Variants in ZNF669 observed in about 807,000 individuals in gnomAD.
ZNF669 encodes the protein zinc finger protein 669.
In ZNF669, 7 loss-of-function variants were observed where a neutral mutation model predicts 11.4. That is an observed-to-expected ratio of 0.62 (90% confidence interval 0.35 to 1.16). ZNF669 has a LOEUF of 1.16. Among genes scored for constraint, ZNF669 ranks in the 50% most tolerant of loss-of-function variants. The pLI is 0.02. For synonymous variants in ZNF669, 153 were observed against 155.8 expected (o/e 0.98, Z 0.13); for missense variants, 492 against 463.6 (o/e 1.06, Z -0.56).
chr1:247,102,135 G>A (rs1238862017), intron 1 of ZNF669, 22 bp from the exon 2 acceptor site: 27 of 1,565,738 alleles, frequency 1.7e-5, no homozygotes, highest in Non-Finnish European at 2.3e-5. Flanking sequence ...CACACATGTG[G>A]ATAGAAGGAT....
chr1:247,103,410 G>C (rs1671763540), intron 1 of ZNF669, among the ~76,000 whole-genome samples: 1 of 152,072 alleles, frequency 6.6e-6, no homozygotes, highest in Non-Finnish European at 1.5e-5. Flanking sequence ...GAGACGGGCG[G>C]ATCACTTAAG....
Position 247,100,727 on chromosome 1 carries a change from A to G in ZNF669, c.784T>C (p.Ser262Pro). 6.2e-7 allele frequency: 1 copy of G among 1,614,236 alleles called. No individual in the cohort carries two copies. Among genetic ancestry groups the G allele is most frequent in the Non-Finnish European group, 8.5e-7 (1 of 1,180,044 alleles). Residue 262 changes from serine to proline, a missense_variant, in exon 4 of 4, where the codon TCC becomes CCC. Coordinates refer to ENST00000448299, the MANE Select transcript of ZNF669 (RefSeq NM_001142572.2). ...TGAATGCTTCCATGGTAACGAAGGGAAGTGGAACAGCTGAAGGCTTTATCA... is the reference window on the plus strand; with the variant it reads ...TGAATGCTTCCATGGTAACGAAGGGGAGTGGAACAGCTGAAGGCTTTATCA... ...KCDKAFSCST[S>P]LRYHGSIHTG...
chr1:247,101,424 A>ATTT, intron 3 of ZNF669, 105 bp from the exon 4 acceptor site: 1 of 1,119,772 alleles, frequency 8.9e-7, no homozygotes, highest in Non-Finnish European at 1.2e-6. Flanking sequence ...GGGAAAATGC[A>ATTT]TTTTTTTTTT....
At position 247,100,614 on chromosome 1, in the gene ZNF669, G is replaced by A. The variant is rs143544880; in HGVS notation, c.897C>T (p.Thr299=). Residue 299 remains threonine, a synonymous_variant, in exon 4 of 4, where the codon ACC becomes ACT. Transcript: ENST00000448299. The part of the protein sequence containing the change: ...SSLCNHRSTH[T]GEKPYECKQC... ...GTTTACATTCATAGGGTTTCTCTCC[G>A]GTATGAGTACTTCTATGGTTACAAA... 8.8e-5 allele frequency: 142 copies of A among 1,614,010 alleles called. No homozygotes were observed. The highest frequency in any genetic ancestry group is 3.9e-4 in the African/African-American group (29 of 74,962).
rs1385265107 is a variant in ZNF669, at chr1:247,100,842, C to T, written c.669G>A (p.Lys223=). The T allele has an allele frequency of 6.2e-7, 1 of 1,614,004 alleles. No homozygotes were observed. Among genetic ancestry groups the T allele is most frequent in the Admixed American group, 1.7e-5 (1 of 60,008 alleles). The change falls in exon 4 of 4, where the codon AAG becomes AAA. Residue 223 remains lysine, a synonymous_variant. Coordinates refer to ENST00000448299, the MANE Select transcript of ZNF669 (RefSeq NM_001142572.2). The stretch of plus-strand genomic sequence containing the variant: ...AAAATCTGAATGTTTTCCCACATTC[C>T]TTACATTCGTAGGGTTTCTCTCCAG... ...THTGEKPYEC[K]ECGKTFRFSC...
chr1:247,103,927 TCAC>T (rs771439789), intron 1 of ZNF669: 9 of 1,588,930 alleles, frequency 5.7e-6, no homozygotes, highest in Admixed American at 3.6e-5. Context: ...CCTCCCGTGG[TCAC>T]CACACTACCT....
At chr1:247,104,083 C>T in intron 1 of ZNF669, 114 bp downstream of exon 1, 35 of 1,588,266 alleles carry the variant, frequency 2.2e-5, no homozygotes, top group Non-Finnish European at 2.8e-5. Flanking sequence ...GGCTACGCCA[C>T]GGCGACTCGG....
intron 1 of ZNF669, chr1:247,103,821 G>T (rs954969343): frequency 7.6e-7 from 1 of 1,317,294 alleles, no homozygotes; most frequent in Non-Finnish European, 1.0e-6. Context: ...TAATTTTAGG[G>T]GAAGAAAGGT....
At chr1:247,103,632 CAAAAAAA>C (rs58671011) in intron 1 of ZNF669, among the ~76,000 whole-genome samples, 735 of 50,016 alleles carry the variant, frequency 0.015, 9 homozygotes, top group African/African-American at 0.038. Context: ...ATTCCGTCTC[CAAAAAAA>C]AAAAAAAAAA....
rs1461539260 is a variant in ZNF669, at chr1:247,100,341, G to A, written c.*33C>T. The A allele has an allele frequency of 3.8e-6, 5 of 1,300,978 alleles. No individual in the cohort carries two copies. The highest frequency in any genetic ancestry group is 5.4e-6 in the Non-Finnish European group (5 of 927,274). 80.6% of individuals were successfully genotyped at this position (1,300,978 alleles called of 1,614,324 possible). A position where few individuals can be genotyped will look rare whatever the true frequency, so the allele number is the denominator to read the frequency against. On this transcript the variant is annotated 3_prime_UTR_variant, in exon 4 of 4. Coordinates refer to ENST00000448299, the MANE Select transcript of ZNF669 (RefSeq NM_001142572.2). ...CATGTTGCCCAGGTTGTTTCACATT[G>A]TTTTAATCCAGGCTGGTTATGAACT...
At position 247,100,939 on chromosome 1, in the gene ZNF669, G is replaced by T; in HGVS notation, c.572C>A (p.Pro191His). ...TTTACCACATTGTTTACATTTATAG[G>T]GTTTTTCTCCTGTGTGAGTTCTCTG... ...RHQRTHTGEK[P>H]YKCKQCGKAF... The change falls in exon 4 of 4, where the codon CCC becomes CAC. Residue 191 changes from proline to histidine, a missense_variant. Pro to His is a moderately conservative substitution (Grantham distance 77). Transcript: ENST00000448299. The T allele has an allele frequency of 6.2e-7, 1 of 1,613,596 alleles. No individual in the cohort carries two copies. The highest frequency in any genetic ancestry group is 1.1e-5 in the South Asian group (1 of 90,982).
At chr1:247,102,316 C>G (rs1163309247) in intron 1 of ZNF669, among the ~76,000 whole-genome samples, 1 of 152,194 alleles carries the variant, frequency 6.6e-6, no homozygotes, top group Non-Finnish European at 1.5e-5. Context: ...TTCAAAAAGG[C>G]AACAGCAAAG....
intron 3 of ZNF669, 75 bp downstream of exon 3, chr1:247,101,656 A>T: frequency 7.3e-7 from 1 of 1,377,620 alleles, no homozygotes; most frequent in Non-Finnish European, 1.0e-6. Context: ...ATTTGTTTTG[A>T]TTGCTTGTTT....
intron 1 of ZNF669, chr1:247,103,803 C>A: frequency 8.3e-7 from 1 of 1,209,192 alleles, no homozygotes; most frequent in Non-Finnish European, 1.1e-6. Context: ...TTTAACAAAG[C>A]CTCGGCTTAA....
intron 1 of ZNF669, 82 bp from the exon 2 acceptor site, chr1:247,102,195 A>G: frequency 6.1e-6 from 9 of 1,463,888 alleles, no homozygotes; most frequent in Non-Finnish European, 8.3e-6. Context: ...TAAGCTGTTT[A>G]CATGATTTGA....
At position 247,100,703 on chromosome 1, in the gene ZNF669, G is replaced by A. The variant is rs1027425063; in HGVS notation, c.808C>T (p.His270Tyr). ...CACTCATAGGGTCTCTCTCCAGTATGAATGCTTCCATGGTAACGAAGGGAA... is the reference window on the plus strand; with the variant it reads ...CACTCATAGGGTCTCTCTCCAGTATAAATGCTTCCATGGTAACGAAGGGAA... ...STSLRYHGSI[H>Y]TGERPYECKQ... Residue 270 changes from histidine to tyrosine, a missense_variant, in exon 4 of 4, where the codon CAT becomes TAT. Coordinates refer to ENST00000448299, the MANE Select transcript of ZNF669 (RefSeq NM_001142572.2). 2 of 1,614,118 alleles carry A rather than the reference G, an allele frequency of 1.2e-6. No homozygotes were observed. Among genetic ancestry groups the A allele is most frequent in the African/African-American group, 2.7e-5 (2 of 74,944 alleles).
At position 247,100,923 on chromosome 1, in the gene ZNF669, T is replaced by C. The variant is rs201535693; in HGVS notation, c.588A>G (p.Gln196=). Residue 196 remains glutamine, a synonymous_variant, in exon 4 of 4, where the codon CAA becomes CAG. Coordinates refer to ENST00000448299, the MANE Select transcript of ZNF669 (RefSeq NM_001142572.2). ...HTGEKPYKCK[Q]CGKAFTVSGS... is the part of the protein sequence containing the mutation. ...CGGAAACAGTGAATGCTTTACCACA[T>C]TGTTTACATTTATAGGGTTTTTCTC... 2.0e-4 allele frequency: 315 copies of C among 1,613,836 alleles called. No homozygotes were observed. The highest frequency in any genetic ancestry group is 2.5e-4 in the Non-Finnish European group (294 of 1,180,012).
At position 247,103,954 on chromosome 1, in the gene ZNF669, G is replaced by A. The variant is rs140880603; in HGVS notation, c.3+243C>T. ...ACCACACTACCTGGATAGGGGAGGC[G>A]AGGGGTTCCCGACAGGGCTCCGGCC... On this transcript the variant is annotated intron_variant, in intron 1 of 3. Transcript: ENST00000448299. The A allele has an allele frequency of 1.9e-6, 3 of 1,602,866 alleles. No individual in the cohort carries two copies. In the Admixed American group the frequency reaches 5.1e-5, roughly 27 times the overall value.
At chr1:247,102,498 A>C (rs1671744477) in intron 1 of ZNF669, among the ~76,000 whole-genome samples, 1 of 152,264 alleles carries the variant, frequency 6.6e-6, no homozygotes, top group African/African-American at 2.4e-5. Context: ...ATGCCTGCTC[A>C]CAAAGTTCAA....
Sources: gnomAD v4.1 joint callset for allele counts (sites outside exome capture counted in the v4.1 genomes callset) on GRCh38, gnomAD v4.1.1 for gene constraint, MANE v1.5 for transcripts, NCBI Gene and HGNC (gene_info 2026-07-23, HGNC 2026-07-21) for gene names.